The following LRP4 variants were observed in gnomAD, a reference collection of about 807,000 sequenced individuals.
The protein encoded by LRP4 is low-density lipoprotein receptor-related protein 4.
Under a neutral mutation model 220.3 loss-of-function variants are expected in LRP4, and 95 were observed. The ratio of observed to expected loss-of-function variants is 0.43; its 90% CI spans 0.37 to 0.51. The LOEUF is 0.51. Ranked by LOEUF, LRP4 falls within the 20% of genes least tolerant of loss-of-function variation. LRP4 has a pLI of 0.00. For missense variants in LRP4, 1,925 were observed against 2,567.0 expected (o/e 0.75, Z 5.40); for synonymous variants, 903 against 954.6 (o/e 0.95, Z 1.00).
intron 20 of LRP4, among the ~76,000 whole-genome samples, chr11:46,880,982 C>T (rs1178997579): frequency 7.4e-6 from 1 of 134,604 alleles, no homozygotes; most frequent in African/African-American, 2.8e-5. Flanking sequence ...CCTAGTAGGT[C>T]GAGGGTGCAG....
At position 46,895,980 on chromosome 11, in the gene LRP4, CGTT is replaced by C; in HGVS notation, c.1084_1086del (p.Asn362del). The stretch of plus-strand genomic sequence containing the variant: ...ATCTGGCACTTCTGGGCACAGCCAC[CGTT>C]GTTAACATTGCAGTTCTCCTCACCC... On this transcript the variant is annotated inframe_deletion, in exon 10 of 38. Coordinates refer to ENST00000378623, the MANE Select transcript of LRP4 (RefSeq NM_002334.4). 2 of 1,614,168 alleles carry C rather than the reference CGTT, an allele frequency of 1.2e-6. No individual in the cohort carries two copies. The highest frequency in any genetic ancestry group is 1.7e-6 in the Non-Finnish European group (2 of 1,180,054).
chr11:46,915,355 T>C (rs1167491400), intron 1 of LRP4, among the ~76,000 whole-genome samples: 2 of 152,294 alleles, frequency 1.3e-5, no homozygotes, highest in East Asian at 3.9e-4. Flanking sequence ...ACAAACACAC[T>C]TTCCACTCTT....
intron 13 of LRP4, among the ~76,000 whole-genome samples, chr11:46,891,574 G>A (rs553252836): frequency 7.4e-4 from 113 of 152,222 alleles, no homozygotes; most frequent in Middle Eastern, 6.8e-3. Flanking sequence ...AGCCAGAGGT[G>A]AGAACTTCAT....
chr11:46,895,330 C>A, intron 10 of LRP4, 39 bp from the exon 11 acceptor site: 1 of 1,607,158 alleles, frequency 6.2e-7, no homozygotes, highest in South Asian at 1.1e-5. Flanking sequence ...TCCCTTCTGT[C>A]GTCCTCCCAC....
rs368425561 is a variant in LRP4 at position 46,895,851 on chromosome 11, C to T, written c.1183+33G>A. 6 of 1,607,662 alleles carry T rather than the reference C, an allele frequency of 3.7e-6. No individual in the cohort carries two copies. In the African/African-American group the frequency reaches 6.7e-5, roughly 18 times the overall value. ...CCTGTCTGCTGCCCCTGCTCAGAAC[C>T]CCGACTCTGCTGCAAACCAGGCCCC... On this transcript the variant is annotated intron_variant, in intron 10 of 37. Transcript: ENST00000378623.
At position 46,873,624 on chromosome 11, in the gene LRP4, C is replaced by G; in HGVS notation, c.4230-31G>C. On this transcript the variant is annotated intron_variant, in intron 28 of 37. Coordinates refer to ENST00000378623, the MANE Select transcript of LRP4 (RefSeq NM_002334.4). The surrounding 1 kb of genome is among the most constrained non-coding windows in gnomAD (Gnocchi z 4.2). ...GGAGAGCCCAGTGTTGGATGAGCAA[C>G]CAGACTGACCCAGAATAGAGTAGAA... 1 of 1,556,410 alleles carries G rather than the reference C, an allele frequency of 6.4e-7. No individual in the cohort carries two copies. The highest frequency in any genetic ancestry group is 1.7e-5 in the Admixed American group (1 of 59,492).
chr11:46,906,389 GA>G (rs1318923069), intron 1 of LRP4, among the ~76,000 whole-genome samples: 1 of 151,928 alleles, frequency 6.6e-6, no homozygotes, highest in Non-Finnish European at 1.5e-5. Context: ...CATGGAGGCA[GA>G]GGTTGCAATG....
At position 46,869,093 on chromosome 11, in the gene LRP4, A is replaced by C; in HGVS notation, c.4732T>G (p.Ser1578Ala). The change falls in exon 32 of 38, where the codon TCA becomes GCA. Residue 1578 changes from serine (S) to alanine (A), a missense_variant. Coordinates refer to ENST00000378623, the MANE Select transcript of LRP4 (RefSeq NM_002334.4). The stretch of plus-strand genomic sequence containing the variant: ...GAGTATTTGTCAACACGCTGGATTG[A>C]CTTGGTCTGCCAGTCTGTCCAGTAG... ...WIYWTDWQTKSIQRVDKYSGR... is the reference protein window; with the variant it reads ...WIYWTDWQTKAIQRVDKYSGR... 6.2e-7 allele frequency: 1 copy of C among 1,614,174 alleles called. No individual in the cohort carries two copies. Among genetic ancestry groups the C allele is most frequent in the Non-Finnish European group, 8.5e-7 (1 of 1,180,038 alleles).
intron 19 of LRP4, among the ~76,000 whole-genome samples, chr11:46,882,477 A>C (rs1022830276): frequency 6.6e-6 from 1 of 150,680 alleles, no homozygotes; most frequent in Non-Finnish European, 1.5e-5. Flanking sequence ...CTCTGTTTCA[A>C]AAAAAAAAGA....
intron 1 of LRP4, among the ~76,000 whole-genome samples, chr11:46,913,736 C>T (rs751497632): frequency 1.3e-5 from 2 of 152,132 alleles, no homozygotes; most frequent in African/African-American, 2.4e-5. Flanking sequence ...TCCCTGACCA[C>T]TTAAGAAGGG....
intron 1 of LRP4, among the ~76,000 whole-genome samples, chr11:46,911,841 C>CTTTTTTT (rs540593524): frequency 8.4e-6 from 1 of 118,810 alleles, no homozygotes; most frequent in Non-Finnish European, 1.7e-5. Flanking sequence ...TGGGAATCTT[C>CTTTTTTT]TTTTTTTTTT....
chr11:46,886,899 C>T (rs1941306285), intron 16 of LRP4, among the ~76,000 whole-genome samples: 1 of 152,322 alleles, frequency 6.6e-6, no homozygotes, highest in East Asian at 1.9e-4. Context: ...AGGGCTCCTG[C>T]CCCTCCACTC....
At chr11:46,866,287 TTTTG>T (rs1940698005) in intron 34 of LRP4, among the ~76,000 whole-genome samples, 1 of 151,708 alleles carries the variant, frequency 6.6e-6, no homozygotes, top group African/African-American at 2.4e-5. Context: ...ATTTTTTGTT[TTTTG>T]TTTTTTTTTT....
At position 46,898,644 on chromosome 11, in the gene LRP4, A is replaced by C; in HGVS notation, c.710T>G (p.Met237Arg). The C allele has an allele frequency of 6.2e-7, 1 of 1,614,154 alleles. No individual in the cohort carries two copies. Among genetic ancestry groups the C allele is most frequent in the Non-Finnish European group, 8.5e-7 (1 of 1,180,014 alleles). The change falls in exon 7 of 38, where the codon ATG (methionine) becomes AGG (arginine). Residue 237 changes from methionine (M) to arginine (R), a missense_variant. Physicochemically the swap from Met to Arg is moderately conservative, Grantham distance 91 (BLOSUM62 -1). This residue lies in a region of LRP4 where 412 missense variants were observed against 505.4 expected (regional missense o/e 0.82). Transcript: ENST00000378623. The part of the protein sequence containing the change: ...SHQPCRSGEF[M>R]CDSGLCINAG... ...ATTGATGCACAGGCCACTGTCACAC[A>C]TGAACTCCCCAGAGCGGCAGGGCTG...
At chr11:46,869,231 T>C in intron 31 of LRP4, 99 bp from the exon 32 acceptor site, 1 of 1,118,676 alleles carries the variant, frequency 8.9e-7, no homozygotes, top group South Asian at 1.3e-5. Context: ...CTGCCTCTGC[T>C]GAAATGCCCT....
chr11:46,879,569 G>C (rs1361032801), intron 20 of LRP4, among the ~76,000 whole-genome samples: 1 of 152,194 alleles, frequency 6.6e-6, no homozygotes, highest in Admixed American at 6.5e-5. Context: ...TCATCTCAAA[G>C]TATCTCTGGA....
In LRP4 at chr11:46,896,956, A is replaced by C. The variant is rs1335407378; in HGVS notation, c.835T>G (p.Ser279Ala). The change falls in exon 8 of 38, where the codon TCA (serine) becomes GCA (alanine). Residue 279 changes from serine (S) to alanine (A), a missense_variant. Ser to Ala is a moderately conservative substitution (Grantham distance 99). Coordinates refer to ENST00000378623, the MANE Select transcript of LRP4 (RefSeq NM_002334.4). ...MCTAEQFRCH[S>A]GRCVRLSWRC... ...CAGGACAGGCGGACACAGCGGCCTG[A>C]GTGACAGCGGAACTGTTCTGCCGTA... 1 of 1,614,220 alleles carries C rather than the reference A, an allele frequency of 6.2e-7. No individual in the cohort carries two copies. Among genetic ancestry groups the C allele is most frequent in the Admixed American group, 1.7e-5 (1 of 60,020 alleles).
chr11:46,899,777 G>A lies in LRP4; in HGVS notation c.430+86C>T. Reference sequence around the variant, plus strand: ...TATCTGGGCAGTTGGAGGTTTGGCAGTGCTAGGGCCATTGCTGCTATCTTC... The same window carrying A: ...TATCTGGGCAGTTGGAGGTTTGGCAATGCTAGGGCCATTGCTGCTATCTTC... On this transcript the variant is annotated intron_variant, in intron 4 of 37. Transcript: ENST00000378623. This position sits in a 1 kb window ranked among gnomAD's most constrained non-coding sequence, Gnocchi z 5.9. 1 of 1,131,946 alleles carries A rather than the reference G, an allele frequency of 8.8e-7. No individual in the cohort carries two copies. The highest frequency in any genetic ancestry group is 1.3e-6 in the Non-Finnish European group (1 of 748,628). 70.1% of individuals were successfully genotyped at this position (1,131,946 alleles called of 1,614,324 possible).
intron 30 of LRP4, among the ~76,000 whole-genome samples, chr11:46,871,976 G>C (rs958834453): frequency 1.3e-5 from 2 of 152,266 alleles, no homozygotes; most frequent in African/African-American, 4.8e-5. Flanking sequence ...GAGCTCACTC[G>C]GCCGGGCATG....
Sources: allele counts gnomAD v4.1 joint callset (sites outside exome capture counted in the v4.1 genomes callset), GRCh38; gene constraint gnomAD v4.1.1; regional missense constraint gnomAD v4.1.1; non-coding constraint Gnocchi (gnomAD v3.1); transcripts MANE v1.5; gene names NCBI Gene and HGNC (gene_info 2026-07-23, HGNC 2026-07-21).